The following MYO16 variants were observed in gnomAD, a reference collection of about 807,000 sequenced individuals.
The protein encoded by MYO16 is unconventional myosin-XVI.
Under a neutral mutation model 205.3 loss-of-function variants are expected in MYO16, and 94 were observed. The ratio of observed to expected loss-of-function variants is 0.46; its 90% CI spans 0.39 to 0.54. The LOEUF is 0.54. Among genes scored for constraint, MYO16 ranks in the 20% least tolerant of loss-of-function variants. MYO16 has a pLI of 0.00. For synonymous variants in MYO16, 988 were observed against 954.0 expected, an observed-to-expected ratio of 1.04 and a Z score of -0.66; for missense variants, 2,315 against 2,387.5, an observed-to-expected ratio of 0.97 and a Z score of 0.63.
At chr13:108,750,077 T>C (rs1384235349) in intron 4 of MYO16, among the ~76,000 whole-genome samples, 2 of 152,114 alleles carry the variant, frequency 1.3e-5, no homozygotes, top group Non-Finnish European at 2.9e-5. Context: ...TAAAAAAATG[T>C]CAGTGTTTGC....
intron 9 of MYO16, among the ~76,000 whole-genome samples, chr13:108,827,088 T>C (rs1216779509): frequency 6.6e-6 from 1 of 152,112 alleles, no homozygotes; most frequent in East Asian, 1.9e-4. Context: ...AACCTGTACA[T>C]AAATATTCAT....
the MYO16 span, among the ~76,000 whole-genome samples, chr13:108,544,085 A>G: frequency 1.3e-5 from 2 of 151,636 alleles, no homozygotes; most frequent in Non-Finnish European, 2.9e-5. Context: ...AAAAAAAAAA[A>G]AAAAGAGCAT....
At chr13:108,952,861 C>A (rs570141112) in intron 16 of MYO16, among the ~76,000 whole-genome samples, 2 of 152,142 alleles carry the variant, frequency 1.3e-5, no homozygotes, top group South Asian at 4.1e-4. Context: ...ATAGAAGATA[C>A]TGAATATTAA....
At chr13:108,786,707 T>G (rs1019865) in intron 5 of MYO16, among the ~76,000 whole-genome samples, 136,691 of 152,164 alleles carry the variant, frequency 0.9, 61,456 homozygotes, top group East Asian at 1. Flanking sequence ...AGTCTTATTC[T>G]CTGTGAAAGC....
At chr13:109,132,659 C>T (rs969812466) in intron 31 of MYO16, among the ~76,000 whole-genome samples, 4 of 152,160 alleles carry the variant, frequency 2.6e-5, no homozygotes, top group African/African-American at 9.7e-5. Flanking sequence ...CTAGATTTGT[C>T]TGCATATTTT....
intron 27 of MYO16, among the ~76,000 whole-genome samples, chr13:109,091,153 C>A (rs1477464120): frequency 1.3e-5 from 2 of 152,154 alleles, no homozygotes; most frequent in African/African-American, 4.8e-5. Context: ...TAGCCATGGG[C>A]AGACAGCCAC....
At chr13:108,627,891 A>G (rs776811339), upstream of MYO16, among the ~76,000 whole-genome samples, 7 of 152,210 alleles carry the variant, frequency 4.6e-5, no homozygotes, top group Non-Finnish European at 1.0e-4. Context: ...TAAGGAAGGT[A>G]TATAGGCAAC....
intron 6 of MYO16, among the ~76,000 whole-genome samples, chr13:108,798,795 TC>T (rs1886879804): frequency 7.5e-6 from 1 of 133,780 alleles, no homozygotes; most frequent in Admixed American, 8.7e-5. Context: ...AAGCTCCGCC[TC>T]CCGGGTTCAC....
At chr13:109,042,353 A>G (rs1886909969) in intron 23 of MYO16, among the ~76,000 whole-genome samples, 1 of 152,236 alleles carries the variant, frequency 6.6e-6, no homozygotes, top group Non-Finnish European at 1.5e-5. Flanking sequence ...AGAAATACCT[A>G]GAAACATTGG....
chr13:109,077,165 A>G (rs543630930), intron 27 of MYO16, among the ~76,000 whole-genome samples: 2 of 152,114 alleles, frequency 1.3e-5, no homozygotes, highest in Admixed American at 6.5e-5. Flanking sequence ...GACTACAGAC[A>G]TGCACAACCA....
At chr13:108,905,012 CG>C (rs1277203134) in intron 15 of MYO16, among the ~76,000 whole-genome samples, 1 of 151,902 alleles carries the variant, frequency 6.6e-6, no homozygotes, top group Non-Finnish European at 1.5e-5. Context: ...TTATTTTTTT[CG>C]ATCTTCAAAA....
At chr13:108,647,016 A>G (rs1358160677) in intron 1 of MYO16, among the ~76,000 whole-genome samples, 2 of 152,146 alleles carry the variant, frequency 1.3e-5, no homozygotes, top group Non-Finnish European at 2.9e-5. Flanking sequence ...ATACATTTGT[A>G]TCACAGTCAT....
In MYO16 at chr13:108,951,625, A is replaced by G. The variant is rs560803434; in HGVS notation, c.1926-6063A>G. Among the ~76,000 whole-genome samples, 6 of 152,334 alleles carry G rather than the reference A, an allele frequency of 3.9e-5. No homozygotes were observed. In the South Asian group the frequency reaches 8.3e-4, roughly 21 times the overall value. On this transcript the variant is annotated intron_variant, in intron 16 of 34. Transcript: ENST00000457511. ...GAATTTGCTGTAAGGAGAAATAACC[A>G]TGCAATTATTATTTAACCAAATAAT...
intron 4 of MYO16, among the ~76,000 whole-genome samples, chr13:108,775,775 T>C (rs1446076657): frequency 6.6e-6 from 1 of 152,176 alleles, no homozygotes; most frequent in Non-Finnish European, 1.5e-5. Flanking sequence ...CACACAGTAA[T>C]CTCAATGTGC....
In MYO16 at chr13:108,802,620, G is replaced by C. The variant is rs950847437; in HGVS notation, c.742-4059G>C. Among the ~76,000 whole-genome samples the C allele has an allele frequency of 7.9e-5, 12 of 152,120 alleles. 1 individual carries two copies. Among genetic ancestry groups the C allele is most frequent in the Admixed American group, 5.9e-4 (9 of 15,252 alleles). ...AGTGGGGTTTGTGGATCATAAGGTA[G>C]CTGTATTTTTAGTTTTTTGAGGAAT... On this transcript the variant is annotated intron_variant, in intron 6 of 34. Coordinates refer to ENST00000457511, the MANE Select transcript of MYO16 (RefSeq NM_001198950.3).
intron 6 of MYO16, among the ~76,000 whole-genome samples, chr13:108,804,283 G>A (rs1479316621): frequency 2.0e-5 from 3 of 152,194 alleles, no homozygotes; most frequent in Non-Finnish European, 4.4e-5. Context: ...TTTCCAAATT[G>A]TAATTTTTCG....
At chr13:108,812,758 G>A (rs969085659) in intron 7 of MYO16, among the ~76,000 whole-genome samples, 7 of 152,008 alleles carry the variant, frequency 4.6e-5, no homozygotes, top group African/African-American at 1.7e-4. Flanking sequence ...TAGGTCATGA[G>A]GGTTTCACCC....
At chr13:109,097,197 C>T (rs147962558) in intron 27 of MYO16, among the ~76,000 whole-genome samples, 2 of 152,110 alleles carry the variant, frequency 1.3e-5, no homozygotes, top group Admixed American at 6.5e-5. Context: ...GGCGTGGTGG[C>T]GGGCACCATT....
the MYO16 span, among the ~76,000 whole-genome samples, chr13:108,500,005 T>G: frequency 1.3e-5 from 2 of 151,552 alleles, no homozygotes; most frequent in African/African-American, 4.9e-5. Flanking sequence ...GTGCCCTCGC[T>G]TTGGCCCCTC....
Sources: gnomAD v4.1 joint callset for allele counts (sites outside exome capture counted in the v4.1 genomes callset) on GRCh38, gnomAD v4.1.1 for gene constraint, MANE v1.5 for transcripts, NCBI Gene and HGNC (gene_info 2026-07-23, HGNC 2026-07-21) for gene names.